ADGRL3: variants seen among roughly 807,000 people sequenced by gnomAD.
ADGRL3 encodes adhesion G protein-coupled receptor L3.
Under a neutral mutation model 153.5 loss-of-function variants are expected in ADGRL3, and 62 were observed. The observed-to-expected ratio is 0.40, with a 90% CI of 0.33 to 0.50. ADGRL3 has a LOEUF of 0.50. ADGRL3 is among the 20% of genes least tolerant of loss of function. The pLI is 0.47. For missense variants in ADGRL3, 1,641 were observed against 1,859.4 expected (o/e 0.88, Z 2.16); for synonymous variants, 710 against 672.5 (o/e 1.06, Z -0.86).
intron 4 of ADGRL3, among the ~76,000 whole-genome samples, chr4:61,518,776 T>C (rs1454790511): frequency 6.6e-6 from 1 of 152,206 alleles, no homozygotes; most frequent in Non-Finnish European, 1.5e-5. Context: ...CATAGAAGCC[T>C]GTAGAATGGA....
chr4:61,710,251 C>T (rs953990818), intron 6 of ADGRL3, among the ~76,000 whole-genome samples: 1 of 152,118 alleles, frequency 6.6e-6, no homozygotes. Flanking sequence ...ATATTATTGA[C>T]TCTATTGTTC....
At chr4:61,384,818 A>C (rs185238995) in intron 2 of ADGRL3, among the ~76,000 whole-genome samples, 3 of 152,164 alleles carry the variant, frequency 2.0e-5, no homozygotes, top group African/African-American at 7.2e-5. Flanking sequence ...TAACTGAAAA[A>C]GACACACACA....
intron 9 of ADGRL3, among the ~76,000 whole-genome samples, chr4:61,879,354 G>A (rs568863118): frequency 1.7e-3 from 256 of 152,254 alleles, no homozygotes; most frequent in African/African-American, 6.0e-3. Flanking sequence ...TCAGATTTCA[G>A]ACCTTCTCAG....
At chr4:61,397,765 G>T (rs911619125) in intron 2 of ADGRL3, among the ~76,000 whole-genome samples, 1 of 151,930 alleles carries the variant, frequency 6.6e-6, no homozygotes, top group East Asian at 1.9e-4. Flanking sequence ...GCTGCAAAGG[G>T]TATGTTGAAC....
intron 21 of ADGRL3, among the ~76,000 whole-genome samples, chr4:62,022,614 A>G (rs917993977): frequency 6.6e-6 from 1 of 152,120 alleles, no homozygotes; most frequent in Non-Finnish European, 1.5e-5. Flanking sequence ...GAGATAATGC[A>G]ACTGGTGAAT....
intron 4 of ADGRL3, among the ~76,000 whole-genome samples, chr4:61,529,095 T>C (rs1448151187): frequency 6.6e-6 from 1 of 152,192 alleles, no homozygotes. Context: ...GCTTTATGAA[T>C]ATTCAAAATT....
rs2095310763 is a variant in ADGRL3 at position 61,680,407 on chromosome 4, TG to T, written c.583+3473del. On this transcript the variant is annotated intron_variant, in intron 6 of 26. Coordinates refer to ENST00000683033, the MANE Select transcript of ADGRL3 (RefSeq NM_001387552.1). Reference sequence around the variant, plus strand: ...TTTTTTTTAAATTTATACATACTCGTGTGTGTGTGTGTGTGTGTGTGTGTGT... The same window carrying T: ...TTTTTTTTAAATTTATACATACTCGTTGTGTGTGTGTGTGTGTGTGTGTGT... 8.0e-4 allele frequency among the ~76,000 whole-genome samples: 2 copies of T among 2,496 alleles called. 1 individual carries two copies. Among genetic ancestry groups the T allele is most frequent in the South Asian group, 0.05 (2 of 40 alleles). 1.6% of individuals were successfully genotyped at this position (2,496 alleles called of 152,430 possible).
At chr4:61,846,240 C>T (rs953622709) in intron 9 of ADGRL3, among the ~76,000 whole-genome samples, 1 of 151,622 alleles carries the variant, frequency 6.6e-6, no homozygotes. Context: ...TCTCTTGAGC[C>T]CAGAAGTTTG....
intron 1 of ADGRL3, among the ~76,000 whole-genome samples, chr4:61,322,152 A>G (rs1178567895): frequency 1.3e-5 from 2 of 152,160 alleles, no homozygotes; most frequent in African/African-American, 2.4e-5. Context: ...GCTTGTGCAG[A>G]GAAACTCCAT....
intron 9 of ADGRL3, among the ~76,000 whole-genome samples, chr4:61,887,146 TGA>T (rs1485653178): frequency 2.0e-5 from 3 of 152,160 alleles, no homozygotes; most frequent in African/African-American, 7.2e-5. Flanking sequence ...ATTACAGGCA[TGA>T]GCCACTGTGC....
At chr4:61,207,448 T>C (rs1737843570) in intron 1 of ADGRL3, among the ~76,000 whole-genome samples, 1 of 152,230 alleles carries the variant, frequency 6.6e-6, no homozygotes, top group Admixed American at 6.5e-5. Context: ...CAGTCTATCA[T>C]TGATTGGCAT....
chr4:61,747,446 C>A (rs1205993392), intron 8 of ADGRL3, among the ~76,000 whole-genome samples: 3 of 149,652 alleles, frequency 2.0e-5, no homozygotes, highest in African/African-American at 7.6e-5. Context: ...AACATTGATG[C>A]AAAAATCCTC....
At chr4:61,326,796 A>T (rs1171285807) in intron 1 of ADGRL3, among the ~76,000 whole-genome samples, 1 of 151,952 alleles carries the variant, frequency 6.6e-6, no homozygotes, top group East Asian at 1.9e-4. Flanking sequence ...TGAACTATGC[A>T]TCTCTTATTG....
intron 9 of ADGRL3, among the ~76,000 whole-genome samples, chr4:61,854,891 TCTC>T (rs1481119409): frequency 6.6e-6 from 1 of 152,154 alleles, no homozygotes; most frequent in East Asian, 1.9e-4. Context: ...AAATCTATGA[TCTC>T]AGTATAACCA....
chr4:61,899,502 A>G (rs917950384), intron 11 of ADGRL3, among the ~76,000 whole-genome samples: 11 of 152,164 alleles, frequency 7.2e-5, no homozygotes, highest in Non-Finnish European at 1.2e-4. Flanking sequence ...CAATGGAAAC[A>G]CAGGTGAAAA....
At chr4:61,742,371 C>T (rs1056077865) in intron 8 of ADGRL3, among the ~76,000 whole-genome samples, 55 of 152,138 alleles carry the variant, frequency 3.6e-4, no homozygotes, top group East Asian at 1.2e-3. Context: ...CTCCGCCTCC[C>T]GGGTTCACAC....
At chr4:61,328,907 C>T (rs1001946458) in intron 1 of ADGRL3, among the ~76,000 whole-genome samples, 2 of 152,190 alleles carry the variant, frequency 1.3e-5, no homozygotes, top group African/African-American at 2.4e-5. Context: ...TGCAGTGATT[C>T]GTCCTGCTCT....
chr4:61,930,477 G>T (rs763006609), intron 13 of ADGRL3, among the ~76,000 whole-genome samples: 1 of 152,110 alleles, frequency 6.6e-6, no homozygotes, highest in Non-Finnish European at 1.5e-5. Context: ...ATATGTAGCA[G>T]TTTTTCCCAA....
chr4:61,768,272 A>ATG (rs2097028309), intron 8 of ADGRL3, among the ~76,000 whole-genome samples: 1 of 151,412 alleles, frequency 6.6e-6, no homozygotes, highest in South Asian at 2.1e-4. Context: ...GAGGGGAGGC[A>ATG]ATAAAAAGAT....
Sources: allele counts gnomAD v4.1 joint callset (sites outside exome capture counted in the v4.1 genomes callset), GRCh38; gene constraint gnomAD v4.1.1; transcripts MANE v1.5; gene names NCBI Gene and HGNC (gene_info 2026-07-23, HGNC 2026-07-21).